PPP3R1: variants seen among roughly 807,000 people sequenced by gnomAD.
The protein encoded by PPP3R1 is calcineurin subunit B type 1.
PPP3R1 carries 5 observed loss-of-function variants against 22.6 expected under a neutral mutation model. The observed-to-expected ratio is 0.22, with a 90% CI of 0.12 to 0.46. The LOEUF (loss-of-function observed/expected upper bound fraction) is 0.46. Ranked by LOEUF, PPP3R1 falls within the 20% of genes least tolerant of loss-of-function variation. PPP3R1 has a pLI of 0.99. For missense variants in PPP3R1, 61 were observed against 203.2 expected (o/e 0.30, Z 4.25); for synonymous variants, 56 against 65.2 (o/e 0.86, Z 0.68).
At position 68,252,136 on chromosome 2, in the gene PPP3R1, G is replaced by A; in HGVS notation, c.-9C>T. On this transcript the variant is annotated 5_prime_UTR_variant, in exon 1 of 6. Coordinates refer to ENST00000234310, the MANE Select transcript of PPP3R1 (RefSeq NM_000945.4). ...AGCCAAGGTCTCACCATTTTGCTCG[G>A]CGGGTCGGCGGCTCGCTGGCTCGCT... is the stretch of plus-strand genomic sequence containing the variant. 1 of 1,437,178 alleles carries A rather than the reference G, an allele frequency of 7.0e-7. No individual in the cohort carries two copies. The highest frequency in any genetic ancestry group is 1.3e-5 in the South Asian group (1 of 74,228). 89.0% of individuals were successfully genotyped at this position (1,437,178 alleles called of 1,614,324 possible).
intron 1 of PPP3R1, among the ~76,000 whole-genome samples, chr2:68,225,750 T>C (rs1310895152): frequency 2.0e-5 from 3 of 152,216 alleles, no homozygotes; most frequent in Admixed American, 1.3e-4. Flanking sequence ...GGTGAAGATG[T>C]AGAGCAAATG....
At chr2:68,196,691 T>C (rs1444546840) in intron 2 of PPP3R1, among the ~76,000 whole-genome samples, 1 of 152,254 alleles carries the variant, frequency 6.6e-6, no homozygotes, top group East Asian at 1.9e-4. Flanking sequence ...AAACTCGGTA[T>C]CACCACCAAC....
At chr2:68,197,987 A>G (rs1413473288) in intron 2 of PPP3R1, among the ~76,000 whole-genome samples, 1 of 149,244 alleles carries the variant, frequency 6.7e-6, no homozygotes, top group East Asian at 1.9e-4. Flanking sequence ...ACATATAGAA[A>G]AATAATGACT....
intron 2 of PPP3R1, among the ~76,000 whole-genome samples, chr2:68,191,255 C>T (rs1674661393): frequency 6.6e-6 from 1 of 152,166 alleles, no homozygotes; most frequent in Admixed American, 6.6e-5. Context: ...GCCTACTACA[C>T]ACCCAGGCTA....
At position 68,179,882 on chromosome 2, in the gene PPP3R1, T is replaced by A. The variant is rs1023141733; in HGVS notation, c.*1081A>T. 6.6e-6 allele frequency: 1 copy of A among 152,200 alleles called. No homozygotes were observed. Among genetic ancestry groups the A allele is most frequent in the African/African-American group, 2.4e-5 (1 of 41,472 alleles). The allele number at this position is 152,200 out of a possible 1,614,324, so 9.4% of individuals were successfully genotyped here. Reference sequence around the variant, plus strand: ...TAAACCACAAATATATGTGGGTGTTTAGATACATACATGCATATTAAATAT... The same window carrying A: ...TAAACCACAAATATATGTGGGTGTTAAGATACATACATGCATATTAAATAT... On this transcript the variant is annotated 3_prime_UTR_variant, in exon 6 of 6. Coordinates refer to ENST00000234310, the MANE Select transcript of PPP3R1 (RefSeq NM_000945.4).
At position 68,187,242 on chromosome 2, in the gene PPP3R1, G is replaced by T. The variant is rs374029200; in HGVS notation, c.280+13C>A. ...AGTATAAGAGAATGAAGTCAGTGAA[G>T]AAAAATACTTACACCTCAATTTCTG... is the stretch of plus-strand genomic sequence containing the variant. On this transcript the variant is annotated intron_variant, in intron 4 of 5. Coordinates refer to ENST00000234310, the MANE Select transcript of PPP3R1 (RefSeq NM_000945.4). 6.3e-7 allele frequency: 1 copy of T among 1,594,312 alleles called. No individual in the cohort carries two copies. The highest frequency in any genetic ancestry group is 2.2e-5 in the East Asian group (1 of 44,638).
Position 68,187,104 on chromosome 2 carries a change from T to G in PPP3R1, c.280+151A>C, listed in dbSNP as rs895462030. The G allele has an allele frequency of 1.8e-5, 11 of 616,050 alleles. No homozygotes were observed. The African/African-American group carries it at 2.1e-4, about 12-fold the overall frequency. The allele number at this position is 616,050 out of a possible 1,614,324, so 38.2% of individuals were successfully genotyped here. On this transcript the variant is annotated intron_variant, in intron 4 of 5. Coordinates refer to ENST00000234310, the MANE Select transcript of PPP3R1 (RefSeq NM_000945.4). ...TCAAATATAGTAGTTGGAAATGTCC[T>G]AAAAGGATTTTCACCAGAATGTAAA...
At chr2:68,239,061 G>C (rs945365099) in intron 1 of PPP3R1, among the ~76,000 whole-genome samples, 2 of 152,058 alleles carry the variant, frequency 1.3e-5, no homozygotes, top group Admixed American at 6.6e-5. Flanking sequence ...AAAGATGTAA[G>C]GATTATTTGA....
intron 1 of PPP3R1, among the ~76,000 whole-genome samples, chr2:68,230,011 C>CACACACAT (rs1421392496): frequency 7.4e-4 from 103 of 139,652 alleles, no homozygotes; most frequent in African/African-American, 2.2e-3. Context: ...CACACACACA[C>CACACACAT]ATATATATTT....
chr2:68,214,501 A>G (rs142948570), intron 2 of PPP3R1, among the ~76,000 whole-genome samples: 50 of 152,312 alleles, frequency 3.3e-4, no homozygotes, highest in African/African-American at 1.2e-3. Context: ...AAGAAGGCAT[A>G]CATGCGGCCA....
intron 5 of PPP3R1, among the ~76,000 whole-genome samples, chr2:68,183,433 A>T (rs1462036667): frequency 1.3e-5 from 2 of 152,226 alleles, no homozygotes; most frequent in African/African-American, 2.4e-5. Context: ...GCCCAGGTCC[A>T]GATTATTTTT....
intron 1 of PPP3R1, among the ~76,000 whole-genome samples, chr2:68,228,551 T>C (rs1046057507): frequency 1.3e-5 from 2 of 152,192 alleles, no homozygotes; most frequent in Non-Finnish European, 2.9e-5. Context: ...CTGATAATGG[T>C]AATTTGTGTC....
Position 68,252,282 on chromosome 2 carries a change from G to T in PPP3R1, c.-155C>A. On this transcript the variant is annotated 5_prime_UTR_variant, in exon 1 of 6. Transcript: ENST00000234310. Reference sequence around the variant, plus strand: ...TGGGGGAGGGGAGGCGGCGCCGCGGGGCCCGCGCCGGCCGGGCGATTGGGC... The same window carrying T: ...TGGGGGAGGGGAGGCGGCGCCGCGGTGCCCGCGCCGGCCGGGCGATTGGGC... 1.9e-6 allele frequency: 2 copies of T among 1,034,650 alleles called. No homozygotes were observed. The highest frequency in any genetic ancestry group is 2.3e-6 in the Non-Finnish European group (2 of 863,264). 64.1% of individuals were successfully genotyped at this position (1,034,650 alleles called of 1,614,324 possible).
chr2:68,205,004 T>C (rs968647503), intron 2 of PPP3R1, among the ~76,000 whole-genome samples: 8 of 152,214 alleles, frequency 5.3e-5, no homozygotes, highest in Non-Finnish European at 1.0e-4. Context: ...TTATTTCTTA[T>C]TGATTTTATT....
chr2:68,183,017 C>T (rs901151525), intron 5 of PPP3R1, among the ~76,000 whole-genome samples: 2 of 152,188 alleles, frequency 1.3e-5, no homozygotes, highest in Non-Finnish European at 2.9e-5. Flanking sequence ...TCATCTCTGG[C>T]GCTCTTCATC....
At chr2:68,210,824 A>C in intron 2 of PPP3R1, among the ~76,000 whole-genome samples, 1 of 152,154 alleles carries the variant, frequency 6.6e-6, no homozygotes, top group East Asian at 1.9e-4. Context: ...TGAAATATGA[A>C]ACTTTTTGAG....
chr2:68,206,310 A>G (rs1194443291), intron 2 of PPP3R1, among the ~76,000 whole-genome samples: 1 of 152,212 alleles, frequency 6.6e-6, no homozygotes, highest in Non-Finnish European at 1.5e-5. Context: ...AGCACAGGGG[A>G]AGGGCTAACC....
At chr2:68,208,985 T>C (rs1173207480) in intron 2 of PPP3R1, among the ~76,000 whole-genome samples, 1 of 150,696 alleles carries the variant, frequency 6.6e-6, no homozygotes. Context: ...AACAGCAAAA[T>C]AAAATGTAAA....
chr2:68,225,347 G>C (rs1343599466), intron 1 of PPP3R1, among the ~76,000 whole-genome samples: 1 of 152,204 alleles, frequency 6.6e-6, no homozygotes, highest in African/African-American at 2.4e-5. Flanking sequence ...CAACACAAGG[G>C]AAGTGGAGAG....
Sources: allele counts gnomAD v4.1 joint callset (sites outside exome capture counted in the v4.1 genomes callset), GRCh38; gene constraint gnomAD v4.1.1; transcripts MANE v1.5; gene names NCBI Gene and HGNC (gene_info 2026-07-23, HGNC 2026-07-21).